Variants in CFAP77 observed in about 807,000 individuals in gnomAD.
CFAP77 encodes cilia- and flagella-associated protein 77.
Under a neutral mutation model 31.1 loss-of-function variants are expected in CFAP77, and 25 were observed. The ratio of observed to expected loss-of-function variants is 0.80; its 90% CI spans 0.59 to 1.12. The LOEUF (loss-of-function observed/expected upper bound fraction) is 1.12, where lower values mean the gene tolerates loss of function less well. Ranked by LOEUF, CFAP77 falls within the 50% of genes most tolerant of loss-of-function variation. The pLI is 0.00. For missense variants in CFAP77, 377 were observed against 397.3 expected (o/e 0.95, Z 0.44); for synonymous variants, 151 against 159.9 (o/e 0.94, Z 0.42).
At position 132,506,065 on chromosome 9, in the gene CFAP77, C is replaced by T. The variant is rs145160099; in HGVS notation, c.524+6465C>T. Among the ~76,000 whole-genome samples the T allele has an allele frequency of 1.6e-4, 24 of 152,326 alleles. 1 individual carries two copies. In the East Asian group the frequency reaches 3.9e-3, roughly 25 times the overall value. ...GGAAAGGGAGGGCAAGGGCCCTCCC[C>T]GAGGCGTTACGGTGCAGAGCCCGGA... On this transcript the variant is annotated intron_variant, in intron 3 of 5. Transcript: ENST00000393216.
At chr9:132,461,857 C>T (rs1371692223) in intron 1 of CFAP77, among the ~76,000 whole-genome samples, 6 of 152,190 alleles carry the variant, frequency 3.9e-5, no homozygotes, top group Admixed American at 6.5e-5. Flanking sequence ...GATTTCCCCC[C>T]GTTTCTGCTC....
intron 1 of CFAP77, among the ~76,000 whole-genome samples, chr9:132,416,527 G>A (rs1029293971): frequency 2.6e-5 from 4 of 151,750 alleles, no homozygotes; most frequent in Non-Finnish European, 5.9e-5. Flanking sequence ...TTTTTTAGTA[G>A]AGACAGGGTT....
intron 1 of CFAP77, among the ~76,000 whole-genome samples, chr9:132,432,687 A>G (rs1850431570): frequency 6.6e-6 from 1 of 151,552 alleles, no homozygotes; most frequent in Admixed American, 6.6e-5. Flanking sequence ...ATGCGCCACC[A>G]CACCCAGCTA....
intron 5 of CFAP77, among the ~76,000 whole-genome samples, chr9:132,559,993 G>C (rs1469322377): frequency 6.6e-6 from 1 of 152,152 alleles, no homozygotes; most frequent in African/African-American, 2.4e-5. Flanking sequence ...CACACCAACA[G>C]GAAATAGATT....
At chr9:132,486,730 C>T (rs988264127) in intron 1 of CFAP77, among the ~76,000 whole-genome samples, 5 of 152,372 alleles carry the variant, frequency 3.3e-5, no homozygotes, top group Middle Eastern at 3.4e-3. Flanking sequence ...TGCTCGCTGC[C>T]TTCTCCGAGT....
intron 1 of CFAP77, among the ~76,000 whole-genome samples, chr9:132,432,498 A>G (rs1850427265): frequency 6.7e-6 from 1 of 150,282 alleles, no homozygotes; most frequent in Non-Finnish European, 1.5e-5. Flanking sequence ...GCATAACCTC[A>G]GATAGCAAGA....
At chr9:132,426,038 C>T (rs568518361) in intron 1 of CFAP77, among the ~76,000 whole-genome samples, 7 of 152,304 alleles carry the variant, frequency 4.6e-5, no homozygotes, top group South Asian at 2.1e-4. Context: ...ATTCACAAGC[C>T]GGCCAGTCAT....
chr9:132,514,870 C>G (rs568549870), intron 3 of CFAP77, among the ~76,000 whole-genome samples: 6 of 152,244 alleles, frequency 3.9e-5, no homozygotes, highest in African/African-American at 1.4e-4. Context: ...GAAACAGGCC[C>G]TGGAGCCAAG....
At chr9:132,460,000 T>A (rs2131724475) in intron 1 of CFAP77, among the ~76,000 whole-genome samples, 2 of 152,244 alleles carry the variant, frequency 1.3e-5, no homozygotes, top group East Asian at 3.9e-4. Flanking sequence ...TTCAAGACAC[T>A]TCTCCTGACA....
chr9:132,561,375 A>G (rs182116538), intron 5 of CFAP77, among the ~76,000 whole-genome samples: 24 of 151,310 alleles, frequency 1.6e-4, no homozygotes, highest in East Asian at 9.7e-4. Flanking sequence ...TCCCCCCCCA[A>G]ATCCTCCCTT....
intron 1 of CFAP77, among the ~76,000 whole-genome samples, chr9:132,425,186 T>C (rs1334135167): frequency 6.6e-6 from 1 of 152,174 alleles, no homozygotes. Flanking sequence ...GCTATTGAAT[T>C]GCACATTCTT....
At chr9:132,415,712 A>T (rs1003359807) in intron 1 of CFAP77, among the ~76,000 whole-genome samples, 1 of 152,060 alleles carries the variant, frequency 6.6e-6, no homozygotes, top group Admixed American at 6.6e-5. Context: ...TCACTGTATA[A>T]TTCTGCCTGC....
At chr9:132,488,882 G>C (rs909786421) in intron 1 of CFAP77, among the ~76,000 whole-genome samples, 1 of 152,198 alleles carries the variant, frequency 6.6e-6, no homozygotes, top group African/African-American at 2.4e-5. Context: ...AATTAGAGCT[G>C]AGAGATGGGA....
chr9:132,435,829 G>A (rs2131696475), intron 1 of CFAP77, among the ~76,000 whole-genome samples: 1 of 152,332 alleles, frequency 6.6e-6, no homozygotes, highest in African/African-American at 2.4e-5. Flanking sequence ...AATGTTTGGT[G>A]ATGTCAGCTC....
chr9:132,449,487 T>G (rs1232191350), intron 1 of CFAP77, among the ~76,000 whole-genome samples: 1 of 152,184 alleles, frequency 6.6e-6, no homozygotes, highest in Non-Finnish European at 1.5e-5. Context: ...GCACCTGAGA[T>G]TCATCCATGT....
intron 3 of CFAP77, among the ~76,000 whole-genome samples, chr9:132,523,709 C>T (rs188702554): frequency 2.0e-5 from 3 of 152,216 alleles, no homozygotes; most frequent in Non-Finnish European, 2.9e-5. Context: ...CAGGCTTCCT[C>T]GGCTTTTCTG....
intron 1 of CFAP77, among the ~76,000 whole-genome samples, chr9:132,466,025 G>A (rs1851145562): frequency 6.6e-6 from 1 of 152,192 alleles, no homozygotes; most frequent in South Asian, 2.1e-4. Context: ...TCCATGGCGG[G>A]GGAGCTTAAG....
intron 1 of CFAP77, among the ~76,000 whole-genome samples, chr9:132,446,320 C>CT (rs1223045554): frequency 6.6e-6 from 1 of 152,118 alleles, no homozygotes; most frequent in Non-Finnish European, 1.5e-5. Context: ...ACCTGGATCT[C>CT]TGAGTCGTCT....
chr9:132,479,722 C>T (rs1169592524), intron 1 of CFAP77, among the ~76,000 whole-genome samples: 2 of 152,192 alleles, frequency 1.3e-5, no homozygotes, highest in East Asian at 1.9e-4. Flanking sequence ...ACAGATGTTG[C>T]TGATGGAGTT....
Sources: allele counts gnomAD v4.1 joint callset (sites outside exome capture counted in the v4.1 genomes callset), GRCh38; gene constraint gnomAD v4.1.1; transcripts MANE v1.5; gene names NCBI Gene and HGNC (gene_info 2026-07-23, HGNC 2026-07-21).